Variants in FRMD5 observed in about 807,000 individuals in gnomAD.
The protein encoded by FRMD5 is FERM domain containing 5.
In FRMD5, 20 loss-of-function variants were observed where a neutral mutation model predicts 69.0. The observed-to-expected ratio is 0.29, with a 90% CI of 0.20 to 0.42. The LOEUF is 0.42. FRMD5 is among the 10% of genes least tolerant of loss of function. The pLI, the probability that FRMD5 is intolerant of heterozygous loss-of-function variation, is 1.00. For synonymous variants in FRMD5, 271 were observed against 260.1 expected (o/e 1.04, Z -0.40); for missense variants, 595 against 708.6 (o/e 0.84, Z 1.82).
chr15:44,149,827 C>T (rs1260246417), intron 1 of FRMD5, among the ~76,000 whole-genome samples: 2 of 152,038 alleles, frequency 1.3e-5, no homozygotes, highest in Non-Finnish European at 1.5e-5. Context: ...ACCCTAATAG[C>T]AAAGCAAAGA....
At chr15:44,093,515 T>C (rs1184103458) in intron 1 of FRMD5, among the ~76,000 whole-genome samples, 4 of 152,044 alleles carry the variant, frequency 2.6e-5, no homozygotes, top group Non-Finnish European at 4.4e-5. Flanking sequence ...TCCATTAGAT[T>C]ATGCAAAAGC....
chr15:44,097,580 A>T (rs2076571648), intron 1 of FRMD5, among the ~76,000 whole-genome samples: 1 of 152,224 alleles, frequency 6.6e-6, no homozygotes, highest in South Asian at 2.1e-4. Flanking sequence ...TGCCTTTAAC[A>T]CTGTATATAG....
intron 1 of FRMD5, among the ~76,000 whole-genome samples, chr15:43,953,607 T>G (rs1377953870): frequency 6.6e-6 from 1 of 152,220 alleles, no homozygotes; most frequent in African/African-American, 2.4e-5. Flanking sequence ...CTATGGTAGA[T>G]CCTTCTTTGA....
chr15:44,052,163 T>G (rs1892696403), intron 1 of FRMD5, among the ~76,000 whole-genome samples: 1 of 152,214 alleles, frequency 6.6e-6, no homozygotes, highest in Non-Finnish European at 1.5e-5. Context: ...TTTTCTAGTC[T>G]CTCCAATTTA....
chr15:44,157,707 C>T (rs981879803), intron 1 of FRMD5, among the ~76,000 whole-genome samples: 1 of 152,142 alleles, frequency 6.6e-6, no homozygotes, highest in Non-Finnish European at 1.5e-5. Flanking sequence ...AAGTTTGTCT[C>T]ACTTCCTTTC....
At chr15:44,083,220 T>C (rs1894063620) in intron 1 of FRMD5, among the ~76,000 whole-genome samples, 1 of 152,016 alleles carries the variant, frequency 6.6e-6, no homozygotes, top group Admixed American at 6.6e-5. Flanking sequence ...CTACTCTCTT[T>C]GGTATGCTAG....
intron 1 of FRMD5, among the ~76,000 whole-genome samples, chr15:43,976,719 T>C (rs1427404434): frequency 1.3e-5 from 2 of 152,164 alleles, no homozygotes; most frequent in African/African-American, 2.4e-5. Flanking sequence ...CAAGCTGGAG[T>C]GCAATGGTGC....
chr15:43,886,136 C>A (rs1212502615), intron 10 of FRMD5, among the ~76,000 whole-genome samples: 1 of 152,158 alleles, frequency 6.6e-6, no homozygotes, highest in Non-Finnish European at 1.5e-5. Flanking sequence ...GGCAAATTTC[C>A]TTCTCTCTTA....
intron 1 of FRMD5, among the ~76,000 whole-genome samples, chr15:44,066,005 T>C (rs1035797045): frequency 2.0e-5 from 3 of 152,184 alleles, no homozygotes; most frequent in Non-Finnish European, 1.5e-5. Context: ...TATGCACTGA[T>C]TGTTTTTCAA....
intron 1 of FRMD5, among the ~76,000 whole-genome samples, chr15:44,031,250 G>A (rs183767146): frequency 6.6e-6 from 1 of 151,896 alleles, no homozygotes; most frequent in East Asian, 1.9e-4. Context: ...TCTTCCACAG[G>A]GGAGAAAAAA....
intron 1 of FRMD5, among the ~76,000 whole-genome samples, chr15:43,951,503 T>G (rs1016123475): frequency 6.6e-6 from 1 of 152,008 alleles, no homozygotes; most frequent in Non-Finnish European, 1.5e-5. Flanking sequence ...ACACTAGAAC[T>G]ATAATGAAAA....
intron 13 of FRMD5, among the ~76,000 whole-genome samples, chr15:43,883,171 C>T (rs575106127): frequency 2.0e-5 from 3 of 151,882 alleles, no homozygotes; most frequent in South Asian, 2.1e-4. Context: ...ACGAACTCAG[C>T]TCACTGCAAC....
intron 1 of FRMD5, among the ~76,000 whole-genome samples, chr15:44,146,162 T>C (rs771305925): frequency 3.3e-5 from 5 of 152,038 alleles, no homozygotes; most frequent in Non-Finnish European, 7.4e-5. Flanking sequence ...TCCCTTGCCA[T>C]CCCCCAACAG....
chr15:43,904,325 A>AT (rs965352828), intron 6 of FRMD5, among the ~76,000 whole-genome samples: 30 of 152,226 alleles, frequency 2.0e-4, no homozygotes, highest in African/African-American at 7.0e-4. Context: ...CTTTTAAAAT[A>AT]TTTTTTTAAA....
At chr15:44,061,534 A>G (rs1893087092) in intron 1 of FRMD5, among the ~76,000 whole-genome samples, 1 of 152,144 alleles carries the variant, frequency 6.6e-6, no homozygotes, top group Non-Finnish European at 1.5e-5. Flanking sequence ...TATGCTTTGA[A>G]TTGTTTAGAG....
At chr15:44,059,670 C>G (rs866286776) in intron 1 of FRMD5, among the ~76,000 whole-genome samples, 1 of 152,012 alleles carries the variant, frequency 6.6e-6, no homozygotes, top group Non-Finnish European at 1.5e-5. Context: ...CACCACCACG[C>G]CCAGCTAATT....
At chr15:43,922,825 C>A (rs1312984047) in intron 2 of FRMD5, among the ~76,000 whole-genome samples, 1 of 152,114 alleles carries the variant, frequency 6.6e-6, no homozygotes, top group Non-Finnish European at 1.5e-5. Context: ...CACATGCCAC[C>A]ATTTCCGCGA....
At chr15:43,998,858 T>C (rs1349874512) in intron 1 of FRMD5, among the ~76,000 whole-genome samples, 1 of 152,212 alleles carries the variant, frequency 6.6e-6, no homozygotes, top group African/African-American at 2.4e-5. Flanking sequence ...GGCAGGCCTA[T>C]TTCTATCCAG....
intron 1 of FRMD5, among the ~76,000 whole-genome samples, chr15:44,047,707 C>T (rs928824554): frequency 3.9e-5 from 6 of 152,158 alleles, no homozygotes; most frequent in African/African-American, 1.4e-4. Context: ...TTAGCTAATT[C>T]TCATTCCTGC....
Sources: gnomAD v4.1 joint callset for allele counts (sites outside exome capture counted in the v4.1 genomes callset) on GRCh38, gnomAD v4.1.1 for gene constraint, MANE v1.5 for transcripts, NCBI Gene and HGNC (gene_info 2026-07-23, HGNC 2026-07-21) for gene names.